The following PPP1R12C variants were observed in gnomAD, a reference collection of about 807,000 sequenced individuals.
PPP1R12C encodes the protein protein phosphatase 1 regulatory subunit 12C.
PPP1R12C carries 48 observed loss-of-function variants against 95.6 expected under a neutral mutation model. The observed-to-expected ratio is 0.50, with a 90% CI of 0.40 to 0.64. The LOEUF (loss-of-function observed/expected upper bound fraction) is 0.64, where lower values mean the gene tolerates loss of function less well. PPP1R12C is among the 30% of genes least tolerant of loss of function. The probability of loss-of-function intolerance (pLI) is 0.00; values close to 1 mark genes in which losing one functional copy is unlikely to be tolerated. For synonymous variants in PPP1R12C, 480 were observed against 460.8 expected (o/e 1.04, Z -0.53); for missense variants, 1,057 against 1,083.3 (o/e 0.98, Z 0.34).
intron 6 of PPP1R12C, among the ~76,000 whole-genome samples, chr19:55,098,212 G>A (rs146408515): frequency 3.3e-5 from 5 of 152,302 alleles, no homozygotes; most frequent in East Asian, 1.9e-4. Context: ...CACGTGTCAC[G>A]CATGACCCCT....
chr19:55,099,191 C>T (rs1449720651), intron 4 of PPP1R12C, 96 bp from the exon 5 acceptor site: 28 of 1,369,038 alleles, frequency 2.0e-5, no homozygotes, highest in African/African-American at 5.9e-5. Flanking sequence ...TCCCAGGCCA[C>T]GAGACTGAAA....
intron 19 of PPP1R12C, 41 bp downstream of exon 19, chr19:55,092,181 G>A (rs1293810552): frequency 6.7e-7 from 1 of 1,503,460 alleles, no homozygotes. Context: ...CCACCCAGGC[G>A]GCCCTGCCAG....
intron 3 of PPP1R12C, among the ~76,000 whole-genome samples, chr19:55,104,288 A>T (rs886454503): frequency 6.8e-6 from 1 of 148,102 alleles, no homozygotes; most frequent in Admixed American, 6.8e-5. Flanking sequence ...TCCTATATAT[A>T]TAACACCTAT....
chr19:55,104,501 G>A (rs62126309), intron 3 of PPP1R12C, among the ~76,000 whole-genome samples: 46 of 151,288 alleles, frequency 3.0e-4, no homozygotes, highest in Non-Finnish European at 5.8e-4. Flanking sequence ...TCAAGAGTTC[G>A]AGACCAGCCT....
At chr19:55,108,076 T>C (rs1010114260) in intron 3 of PPP1R12C, among the ~76,000 whole-genome samples, 5 of 151,474 alleles carry the variant, frequency 3.3e-5, no homozygotes, top group African/African-American at 1.2e-4. Context: ...GCTGGGACTA[T>C]AGGTGTACAT....
Position 55,112,569 on chromosome 19 carries a change from C to A in PPP1R12C, c.469G>T (p.Gly157Trp). ...LDIARYLLSH[G>W]ANIAAVNSDG... Reference sequence around the variant, plus strand: ...CTGTTGACGGCGGCGATGTTGGCCCCGTGGCTCAGGAGGTACCTGGGGGTG... The same window carrying A: ...CTGTTGACGGCGGCGATGTTGGCCCAGTGGCTCAGGAGGTACCTGGGGGTG... Residue 157 changes from glycine to tryptophan, a missense_variant, in exon 3 of 22, where the codon GGG becomes TGG. Gly to Trp is a radical substitution (Grantham distance 184, BLOSUM62 -2). Around this residue, in one of 5 missense-constraint regions of PPP1R12C, gnomAD observed 282 missense variants for 380.4 expected, o/e 0.74. Coordinates refer to ENST00000263433, the MANE Select transcript of PPP1R12C (RefSeq NM_017607.4). The A allele has an allele frequency of 6.2e-7, 1 of 1,613,200 alleles. No individual in the cohort carries two copies.
Position 55,103,479 on chromosome 19 carries a change from C to T in PPP1R12C, c.661G>A (p.Ala221Thr). ...GAGGCGCCTGTGCGGGGGTGCCGGGCCTCTGGCATGGCGCCCCCATTCAGC... is the reference window on the plus strand; with the variant it reads ...GAGGCGCCTGTGCGGGGGTGCCGGGTCTCTGGCATGGCGCCCCCATTCAGC... The part of the protein sequence containing the change: ...CWLNGGAMPE[A>T]RHPRTGASAL... Residue 221 changes from alanine to threonine, a missense_variant, in exon 4 of 22, where the codon GCC becomes ACC. Around this residue, in one of 5 missense-constraint regions of PPP1R12C, gnomAD observed 282 missense variants for 380.4 expected, o/e 0.74. Transcript: ENST00000263433. The T allele has an allele frequency of 6.2e-7, 1 of 1,601,634 alleles. No individual in the cohort carries two copies. Among genetic ancestry groups the T allele is most frequent in the Non-Finnish European group, 8.5e-7 (1 of 1,171,440 alleles).
At chr19:55,103,705 G>T in intron 3 of PPP1R12C, 137 bp from the exon 4 acceptor site, 1 of 785,648 alleles carries the variant, frequency 1.3e-6, no homozygotes, top group Non-Finnish European at 1.8e-6. Context: ...AGACTCAGGA[G>T]GCCCAGACTA....
At chr19:55,096,813 T>G in intron 6 of PPP1R12C, 1 of 171,580 alleles carries the variant, frequency 5.8e-6, no homozygotes, top group Non-Finnish European at 1.1e-5. Flanking sequence ...CTTCACCCCT[T>G]CCCCGCGCAG....
At chr19:55,097,522 TCG>T (rs2084933438) in intron 6 of PPP1R12C, among the ~76,000 whole-genome samples, 1 of 84,802 alleles carries the variant, frequency 1.2e-5, no homozygotes, top group Admixed American at 1.3e-4. Context: ...CCCGCACAGT[TCG>T]CAGTTCACCA....
At position 55,091,885 on chromosome 19, in the gene PPP1R12C, G is replaced by A. The variant is rs748366996; in HGVS notation, c.2185C>T (p.Pro729Ser). The A allele has an allele frequency of 3.0e-5, 49 of 1,613,236 alleles. No homozygotes were observed. The South Asian group carries it at 4.3e-4, about 14-fold the overall frequency. The change falls in exon 20 of 22, where the codon CCA becomes TCA. Residue 729 changes from proline to serine, a missense_variant. This residue lies in a region of PPP1R12C where 347 missense variants were observed against 307.9 expected (regional missense o/e 1.13). Coordinates refer to ENST00000263433, the MANE Select transcript of PPP1R12C (RefSeq NM_017607.4). ...TQRQERFAER[P>S]ALLELERFER... ...AATCTCTCCAGTTCCAGGAGGGCTGGCCTCTCAGCGAAGCGTTCTTGCCTC... is the reference window on the plus strand; with the variant it reads ...AATCTCTCCAGTTCCAGGAGGGCTGACCTCTCAGCGAAGCGTTCTTGCCTC...
Position 55,096,349 on chromosome 19 carries a change from AG to A in PPP1R12C, c.952-15del, listed in dbSNP as rs537586838. On this transcript the variant is annotated splice_polypyrimidine_tract_variant and intron_variant, in intron 6 of 21. Coordinates refer to ENST00000263433, the MANE Select transcript of PPP1R12C (RefSeq NM_017607.4). ...TTGGTTCCGAAGCTGCAAGGAGGGA[AG>A]GGGGCTGCAGGGGAGGGGTGGAGCA... 1.5e-4 allele frequency: 247 copies of A among 1,612,516 alleles called. 1 individual carries two copies. In the Admixed American group the frequency reaches 3.9e-3, roughly 25 times the overall value.
Position 55,103,550 on chromosome 19 carries a change from G to T in PPP1R12C, c.590C>A (p.Ala197Asp). 1 of 1,590,388 alleles carries T rather than the reference G, an allele frequency of 6.3e-7. No individual in the cohort carries two copies. The highest frequency in any genetic ancestry group is 8.6e-7 in the Non-Finnish European group (1 of 1,163,652). Residue 197 changes from alanine (A) to aspartate (D), a missense_variant, in exon 4 of 22, where the codon GCC (alanine) becomes GAC (aspartate). Transcript: ENST00000263433. ...IARRGVDVEA[A>D]KRAEEELLLH... Reference sequence around the variant, plus strand: ...GAGCAATTCCTCTTCTGCCCGCTTGGCTGCTTCCACATCCACACCTAGGAG... The same window carrying T: ...GAGCAATTCCTCTTCTGCCCGCTTGTCTGCTTCCACATCCACACCTAGGAG...
rs761198549 is a variant in PPP1R12C at position 55,093,059 on chromosome 19, G to A, written c.1782C>T (p.Pro594=). 1.9e-6 allele frequency: 3 copies of A among 1,602,146 alleles called. No individual in the cohort carries two copies. Among genetic ancestry groups the A allele is most frequent in the Admixed American group, 3.4e-5 (2 of 59,438 alleles). ...CAGAGTTCTCCACTCCAGGGACGCG[G>A]GGCCTTCGGGAAGGGTCCTGTCGGG... ...PAQSLDPSRR[P]RVPGVENSDS... The change falls in exon 15 of 22, where the codon CCC becomes CCT. Residue 594 remains proline (P), a synonymous_variant. Coordinates refer to ENST00000263433, the MANE Select transcript of PPP1R12C (RefSeq NM_017607.4).
In PPP1R12C at chr19:55,112,554, C is replaced by T. The variant is rs150636628; in HGVS notation, c.484G>A (p.Ala162Thr). 5.6e-4 allele frequency: 900 copies of T among 1,613,106 alleles called. No individual in the cohort carries two copies. The highest frequency in any genetic ancestry group is 1.1e-3 in the Admixed American group (68 of 59,994). Residue 162 changes from alanine to threonine, a missense_variant, in exon 3 of 22, where the codon GCC becomes ACC. By Grantham distance (58) the Ala-to-Thr change is moderately conservative (BLOSUM62 0). Transcript: ENST00000263433. ...GGCAGGTCCCCGTCACTGTTGACGG[C>T]GGCGATGTTGGCCCCGTGGCTCAGG... ...YLLSHGANIA[A>T]VNSDGDLPLD...
chr19:55,092,147 C>A, intron 19 of PPP1R12C, 75 bp downstream of exon 19: 3 of 1,365,350 alleles, frequency 2.2e-6, no homozygotes, highest in African/African-American at 1.4e-5. Context: ...CCAGGCCAGG[C>A]TCTACCTCCC....
Position 55,091,487 on chromosome 19 carries a change from G to A in PPP1R12C, c.2334C>T (p.Ser778=). The A allele has an allele frequency of 6.2e-7, 1 of 1,613,990 alleles. No individual in the cohort carries two copies. The highest frequency in any genetic ancestry group is 8.5e-7 in the Non-Finnish European group (1 of 1,179,920). The change falls in exon 22 of 22, where the codon AGC becomes AGT. Residue 778 remains serine (S), a synonymous_variant. Coordinates refer to ENST00000263433, the MANE Select transcript of PPP1R12C (RefSeq NM_017607.4). ...TCCCTCCGGGTCACTTGGAGAGTTT[G>A]CTGATGACGCGGATCAACGCTGCAT... is the stretch of plus-strand genomic sequence containing the variant. ...DENAALIRVI[S]KLSK
chr19:55,092,693 T>C (rs1334477246), intron 16 of PPP1R12C, 31 bp from the exon 17 acceptor site: 6 of 1,529,304 alleles, frequency 3.9e-6, no homozygotes, highest in Non-Finnish European at 5.3e-6. Flanking sequence ...GTTCAATGGG[T>C]ATGGGAGGGA....
At chr19:55,092,752 G>A (rs1180901311) in intron 16 of PPP1R12C, 31 bp downstream of exon 16, 1 of 1,539,410 alleles carries the variant, frequency 6.5e-7, no homozygotes, top group Non-Finnish European at 8.8e-7. Context: ...CCCACCCTCT[G>A]CACCAGCTCG....
Sources: gnomAD v4.1 joint callset for allele counts (sites outside exome capture counted in the v4.1 genomes callset) on GRCh38, gnomAD v4.1.1 for gene constraint, gnomAD v4.1.1 regional missense constraint, MANE v1.5 for transcripts, NCBI Gene and HGNC (gene_info 2026-07-23, HGNC 2026-07-21) for gene names.